KIRREL2: variants seen among roughly 807,000 people sequenced by gnomAD.
KIRREL2 encodes the protein kin of IRRE-like protein 2.
A neutral mutation model predicts 73.4 loss-of-function variants in KIRREL2; 56 were observed. That is an observed-to-expected ratio of 0.76 (90% CI 0.62 to 0.95). KIRREL2 has a LOEUF of 0.95. Ranked by LOEUF, KIRREL2 falls within the 40% of genes least tolerant of loss-of-function variation. The pLI, the probability that KIRREL2 is intolerant of heterozygous loss-of-function variation, is 0.00. For missense variants in KIRREL2, 896 were observed against 935.0 expected (o/e 0.96, Z 0.54); for synonymous variants, 407 against 404.0 (o/e 1.01, Z -0.09).
intron 6 of KIRREL2, 49 bp from the exon 7 acceptor site, chr19:35,860,462 CTGAGTAGG>C (rs1973615506): frequency 6.2e-7 from 1 of 1,604,814 alleles, no homozygotes; most frequent in Non-Finnish European, 8.5e-7. Flanking sequence ...GGGCTGGGAC[CTGAGTAGG>C]TGTGCCAGAG....
At position 35,861,858 on chromosome 19, in the gene KIRREL2, G is replaced by A. The variant is rs753715065; in HGVS notation, c.1344G>A (p.Leu448=). ...FLEAGSQGRF[L]VETFPAPESR... is the part of the protein sequence containing the mutation. ...AGGCGGGGTCGCAGGGCCGGTTCCT[G>A]GTGGAGACATTCCCTGCCCCAGAGA... The change falls in exon 11 of 15, where the codon CTG becomes CTA. Residue 448 remains leucine, a synonymous_variant. Transcript: ENST00000360202. 6.3e-6 allele frequency: 10 copies of A among 1,590,790 alleles called. No individual in the cohort carries two copies. Among genetic ancestry groups the A allele is most frequent in the Non-Finnish European group, 8.6e-6 (10 of 1,168,798 alleles).
Position 35,865,102 on chromosome 19 carries a change from C to A in KIRREL2, c.1791+389C>A, listed in dbSNP as rs1599873453. Reference sequence around the variant, plus strand: ...TCAGGACAGCCACATTGACTCCAGGCCATCCCCAGGCCAGAGCACTTCTCT... The same window carrying A: ...TCAGGACAGCCACATTGACTCCAGGACATCCCCAGGCCAGAGCACTTCTCT... On this transcript the variant is annotated intron_variant, in intron 14 of 14. Coordinates refer to ENST00000360202, the MANE Select transcript of KIRREL2 (RefSeq NM_199180.4). 3.3e-5 allele frequency among the ~76,000 whole-genome samples: 5 copies of A among 151,960 alleles called. No individual in the cohort carries two copies. The South Asian group carries it at 1.0e-3, about 32-fold the overall frequency.
At position 35,867,023 on chromosome 19, in the gene KIRREL2, C is replaced by T. The variant is rs1324096655; in HGVS notation, c.*531C>T. 14 of 157,296 alleles carry T rather than the reference C, an allele frequency of 8.9e-5. No homozygotes were observed. The Admixed American group carries it at 9.2e-4, about 10-fold the overall frequency. 9.7% of individuals were successfully genotyped at this position (157,296 alleles called of 1,614,324 possible). On this transcript the variant is annotated 3_prime_UTR_variant, in exon 15 of 15. Coordinates refer to ENST00000360202, the MANE Select transcript of KIRREL2 (RefSeq NM_199180.4). The stretch of plus-strand genomic sequence containing the variant: ...ATCTTGATTTTACTTTCCTTAAAGA[C>T]TCAGAAAGACTTGGACCCAAGGAGT...
rs917715503 is a variant in KIRREL2, at chr19:35,866,927, G to A, written c.*435G>A. The A allele has an allele frequency of 5.0e-6, 1 of 201,694 alleles. No individual in the cohort carries two copies. The highest frequency in any genetic ancestry group is 9.7e-6 in the Non-Finnish European group (1 of 102,618). The allele number at this position is 201,694 out of a possible 1,614,324, so 12.5% of individuals were successfully genotyped here. ...GGCCCCACCCTGGCTCTCCCTGAGG[G>A]GAACTTTGCTCGGCCAATGGAAATG... On this transcript the variant is annotated 3_prime_UTR_variant, in exon 15 of 15. Transcript: ENST00000360202.
chr19:35,863,318 G>A (rs113764784), intron 13 of KIRREL2, among the ~76,000 whole-genome samples: 2,214 of 152,284 alleles, frequency 0.015, 29 homozygotes, highest in Admixed American at 0.022. Flanking sequence ...CAGCTACTCA[G>A]GACACTGAGG....
At chr19:35,851,554 G>T (rs747108392), upstream of KIRREL2, 28 of 1,613,862 alleles carry the variant, frequency 1.7e-5, no homozygotes, top group Admixed American at 5.0e-5. Flanking sequence ...GCACCGCACT[G>T]CCAGGGGTGC....
upstream of KIRREL2, chr19:35,851,671 G>T (rs1973266964): frequency 1.2e-6 from 2 of 1,612,068 alleles, no homozygotes; most frequent in East Asian, 4.5e-5. Flanking sequence ...ACTGCGCCAG[G>T]CCTGAGGACA....
chr19:35,862,679 G>C, intron 12 of KIRREL2, 82 bp downstream of exon 12: 6 of 1,053,760 alleles, frequency 5.7e-6, no homozygotes, highest in Non-Finnish European at 8.7e-6. Flanking sequence ...ACCTGGCCTT[G>C]GGCCTTGGCT....
At chr19:35,863,210 G>A (rs1322941547) in intron 13 of KIRREL2, among the ~76,000 whole-genome samples, 174 bp downstream of exon 13, 1 of 152,146 alleles carries the variant, frequency 6.6e-6, no homozygotes, top group Non-Finnish European at 1.5e-5. Context: ...GGAATTCAAA[G>A]CCAGCCTGGA....
chr19:35,858,919 ACT>A, intron 4 of KIRREL2, 55 bp downstream of exon 4: 3 of 1,579,146 alleles, frequency 1.9e-6, no homozygotes, highest in Non-Finnish European at 1.7e-6. Flanking sequence ...CTTGGGTTAC[ACT>A]CTGACCACAG....
Position 35,864,697 on chromosome 19 carries a change from G to A in KIRREL2, c.1775G>A (p.Gly592Glu), listed in dbSNP as rs1466561010. ...AGTGATCTGGTTCTGGAGGAGGAAGGGACTCTGGAGACCAAGGTGAGTGTT... is the reference window on the plus strand; with the variant it reads ...AGTGATCTGGTTCTGGAGGAGGAAGAGACTCTGGAGACCAAGGTGAGTGTT... ...DHSDLVLEEE[G>E]TLETKDPTNG... is the part of the protein sequence containing the mutation. The change falls in exon 14 of 15, where the codon GGG becomes GAG. Residue 592 changes from glycine (G) to glutamate (E), a missense_variant. Transcript: ENST00000360202. 1.2e-6 allele frequency: 2 copies of A among 1,612,678 alleles called. No individual in the cohort carries two copies. The highest frequency in any genetic ancestry group is 1.7e-6 in the Non-Finnish European group (2 of 1,178,752).
chr19:35,864,858 C>T (rs1197201391), intron 14 of KIRREL2, 145 bp downstream of exon 14: 2 of 642,024 alleles, frequency 3.1e-6, no homozygotes, highest in Non-Finnish European at 5.5e-6. Flanking sequence ...CACCCCACTC[C>T]TCCTGCCCCC....
intron 13 of KIRREL2, among the ~76,000 whole-genome samples, chr19:35,863,526 C>G (rs560764093): frequency 1.3e-5 from 2 of 150,568 alleles, no homozygotes; most frequent in African/African-American, 4.9e-5. Context: ...GATCTCGGCT[C>G]ACTGCAACCT....
rs1240466149 is a variant in KIRREL2, at chr19:35,866,314, C to T, written c.1949C>T (p.Pro650Leu). The change falls in exon 15 of 15, where the codon CCC becomes CTC. Residue 650 changes from proline to leucine, a missense_variant. Pro to Leu is a moderately conservative substitution (Grantham distance 98). Transcript: ENST00000360202. ...YDFNPHLGMV[P>L]PCRLYRARAG... ...TTCAACCCACACCTGGGCATGGTCC[C>T]CCCCTGCAGACTTTACAGAGCCAGG... 3 of 1,611,560 alleles carry T rather than the reference C, an allele frequency of 1.9e-6. No homozygotes were observed. Among genetic ancestry groups the T allele is most frequent in the Admixed American group, 1.7e-5 (1 of 59,968 alleles).
rs1475630304 is a variant in KIRREL2, at chr19:35,857,032, G to A, written c.-88G>A. On this transcript the variant is annotated 5_prime_UTR_variant, in exon 1 of 15. Transcript: ENST00000360202. Reference sequence around the variant, plus strand: ...AAGAGTCGAGCGTGAAGGGGGCTCCGGGCCAGGGTGACAGGAGGCGTGCTT... The same window carrying A: ...AAGAGTCGAGCGTGAAGGGGGCTCCAGGCCAGGGTGACAGGAGGCGTGCTT... The A allele has an allele frequency of 1.4e-6, 2 of 1,384,710 alleles. No individual in the cohort carries two copies. The highest frequency in any genetic ancestry group is 1.0e-6 in the Non-Finnish European group (1 of 972,760). The allele number at this position is 1,384,710 out of a possible 1,614,324, so 85.8% of individuals were successfully genotyped here.
chr19:35,851,617 AG>A, upstream of KIRREL2: 1 of 1,613,952 alleles, frequency 6.2e-7, no homozygotes. Context: ...TCAGGTTTTC[AG>A]GCAGGGCCCA....
chr19:35,856,906 C>A, upstream of KIRREL2: 2 of 641,132 alleles, frequency 3.1e-6, no homozygotes, highest in Non-Finnish European at 5.7e-6. This position sits in a 1 kb window ranked among gnomAD's most constrained non-coding sequence, Gnocchi z 5.9. Context: ...CTCTTGGGGT[C>A]TCCCAGAGAC....
At chr19:35,852,987 G>T (rs1217431302), upstream of KIRREL2, among the ~76,000 whole-genome samples, 2 of 152,076 alleles carry the variant, frequency 1.3e-5, no homozygotes, top group African/African-American at 4.8e-5. Flanking sequence ...TAGAGACGGG[G>T]TTTCATCATG....
chr19:35,851,842 G>T (rs1293346007), upstream of KIRREL2: 2 of 1,550,940 alleles, frequency 1.3e-6, no homozygotes, highest in Non-Finnish European at 1.7e-6. Flanking sequence ...GGCCATCACA[G>T]GTCCCCCTAC....
Sources: gnomAD v4.1 joint callset for allele counts (sites outside exome capture counted in the v4.1 genomes callset) on GRCh38, gnomAD v4.1.1 for gene constraint, Gnocchi (gnomAD v3.1) non-coding constraint, MANE v1.5 for transcripts, NCBI Gene and HGNC (gene_info 2026-07-23, HGNC 2026-07-21) for gene names.